The following ZBTB49 variants were observed in gnomAD, a reference collection of about 807,000 sequenced individuals.
ZBTB49 encodes zinc finger and BTB domain-containing protein 49.
Under a neutral mutation model 57.5 loss-of-function variants are expected in ZBTB49, and 43 were observed. The ratio of observed to expected loss-of-function variants is 0.75; its 90% CI spans 0.59 to 0.97. ZBTB49 has a LOEUF of 0.97. ZBTB49 is among the 50% of genes least tolerant of loss of function. ZBTB49 has a pLI of 0.00. For synonymous variants in ZBTB49, 369 were observed against 362.1 expected (o/e 1.02, Z -0.22); for missense variants, 938 against 947.7 (o/e 0.99, Z 0.13).
chr4:4,306,206 G>T (rs749002300), intron 4 of ZBTB49, 22 bp downstream of exon 4: 5 of 1,600,594 alleles, frequency 3.1e-6, no homozygotes, highest in Admixed American at 1.7e-5. Flanking sequence ...CTTATTTATT[G>T]TTAATAATTG....
rs1721413169 is a variant in ZBTB49 at position 4,321,416 on chromosome 4, T to C, written c.*100T>C. 1 of 1,225,118 alleles carries C rather than the reference T, an allele frequency of 8.2e-7. No individual in the cohort carries two copies. Among genetic ancestry groups the C allele is most frequent in the African/African-American group, 1.5e-5 (1 of 66,050 alleles). The allele number at this position is 1,225,118 out of a possible 1,614,324, so 75.9% of individuals were successfully genotyped here. Reference sequence around the variant, plus strand: ...TTTCCCCATGACAGTGCCTTCTAACTAGCCAGAGAATAGGTAGCTTCCCTC... The same window carrying C: ...TTTCCCCATGACAGTGCCTTCTAACCAGCCAGAGAATAGGTAGCTTCCCTC... On this transcript the variant is annotated 3_prime_UTR_variant, in exon 8 of 8. Transcript: ENST00000337872.
chr4:4,312,013 T>A (rs182414727), intron 4 of ZBTB49, among the ~76,000 whole-genome samples: 1 of 152,344 alleles, frequency 6.6e-6, no homozygotes, highest in Non-Finnish European at 1.5e-5. Flanking sequence ...TGAATCTTAA[T>A]CTTTGCATTT....
chr4:4,313,284 G>A (rs1721054466), intron 5 of ZBTB49, among the ~76,000 whole-genome samples, 170 bp downstream of exon 5: 1 of 152,198 alleles, frequency 6.6e-6, no homozygotes, highest in South Asian at 2.1e-4. Context: ...TGTGACACAC[G>A]AGAGAATAAT....
intron 4 of ZBTB49, among the ~76,000 whole-genome samples, chr4:4,309,076 TG>T (rs939741383): frequency 6.6e-6 from 1 of 152,238 alleles, no homozygotes; most frequent in Non-Finnish European, 1.5e-5. Flanking sequence ...CTAGAATAAA[TG>T]TTTGTGGTTA....
At chr4:4,308,689 C>T (rs1454092230) in intron 4 of ZBTB49, among the ~76,000 whole-genome samples, 1 of 152,238 alleles carries the variant, frequency 6.6e-6, no homozygotes, top group Admixed American at 6.5e-5. Flanking sequence ...TCCATGAGCT[C>T]TGCTGTGTGC....
chr4:4,306,337 A>G (rs1720734837), intron 4 of ZBTB49, among the ~76,000 whole-genome samples, 153 bp downstream of exon 4: 1 of 152,252 alleles, frequency 6.6e-6, no homozygotes, highest in Admixed American at 6.5e-5. Flanking sequence ...AATCGTTTTC[A>G]AGAAAACAGA....
chr4:4,305,424 T>C (rs1366314237), intron 3 of ZBTB49, among the ~76,000 whole-genome samples: 1 of 152,212 alleles, frequency 6.6e-6, no homozygotes, highest in Non-Finnish European at 1.5e-5. Flanking sequence ...TTATATAGAT[T>C]AAAGGCAGTA....
chr4:4,320,618 A>C (rs969361952), intron 7 of ZBTB49, 22 bp from the exon 8 acceptor site: 13 of 1,613,046 alleles, frequency 8.1e-6, no homozygotes, highest in African/African-American at 1.3e-5. Flanking sequence ...AAGTAAATAA[A>C]TAACTGTTTT....
chr4:4,307,451 T>C (rs576421478), intron 4 of ZBTB49, among the ~76,000 whole-genome samples: 1 of 152,324 alleles, frequency 6.6e-6, no homozygotes, highest in South Asian at 2.1e-4. Flanking sequence ...CTTTGGGCAG[T>C]CTCACCTTTT....
chr4:4,299,141 A>T (rs1445601374), intron 1 of ZBTB49, among the ~76,000 whole-genome samples: 1 of 152,150 alleles, frequency 6.6e-6, no homozygotes, highest in East Asian at 1.9e-4. Flanking sequence ...TGTCCCCTCT[A>T]GGATGTCATC....
chr4:4,310,158 A>G (rs1720922183), intron 4 of ZBTB49, among the ~76,000 whole-genome samples: 1 of 152,234 alleles, frequency 6.6e-6, no homozygotes, highest in African/African-American at 2.4e-5. Flanking sequence ...GCAGATGTTA[A>G]TTCTTCTCTA....
chr4:4,319,547 G>A (rs773690120), intron 7 of ZBTB49, among the ~76,000 whole-genome samples: 8 of 152,220 alleles, frequency 5.3e-5, no homozygotes, highest in Non-Finnish European at 8.8e-5. Context: ...AGGGCCAGGC[G>A]CCATGGCTCA....
intron 2 of ZBTB49, among the ~76,000 whole-genome samples, chr4:4,300,510 C>CT (rs1473241358): frequency 1.3e-5 from 2 of 151,680 alleles, no homozygotes; most frequent in East Asian, 1.9e-4. Flanking sequence ...TTTTTCTTTT[C>CT]TTTTTTTTCT....
chr4:4,321,506 C>T lies in ZBTB49; in HGVS notation c.*190C>T, dbSNP rs1721416912. On this transcript the variant is annotated 3_prime_UTR_variant, in exon 8 of 8. Transcript: ENST00000337872. ...GTGTGAGGGGGAGGGCCTGCTGGCT[C>T]ACCGTGAGGCAGCCGCGGGAGGGAG... 7 of 651,986 alleles carry T rather than the reference C, an allele frequency of 1.1e-5. No homozygotes were observed. The highest frequency in any genetic ancestry group is 1.8e-5 in the Non-Finnish European group (7 of 390,460). 40.4% of individuals were successfully genotyped at this position (651,986 alleles called of 1,614,324 possible).
chr4:4,313,139 T>C, intron 5 of ZBTB49, 25 bp downstream of exon 5: 1 of 1,613,132 alleles, frequency 6.2e-7, no homozygotes, highest in South Asian at 1.1e-5. Flanking sequence ...TGTTCTTCCG[T>C]GTGGAAGGGA....
chr4:4,312,059 C>G (rs560548224), intron 4 of ZBTB49, among the ~76,000 whole-genome samples: 2 of 152,104 alleles, frequency 1.3e-5, no homozygotes, highest in African/African-American at 4.8e-5. Context: ...AAAAAAGCCC[C>G]GTGTGTTAGT....
At chr4:4,309,691 G>A (rs1720900619) in intron 4 of ZBTB49, among the ~76,000 whole-genome samples, 1 of 152,202 alleles carries the variant, frequency 6.6e-6, no homozygotes, top group Admixed American at 6.5e-5. Flanking sequence ...CCTATAGGAG[G>A]CATTTCCAGG....
At chr4:4,298,389 A>T (rs893200107) in intron 1 of ZBTB49, among the ~76,000 whole-genome samples, 132 of 152,142 alleles carry the variant, frequency 8.7e-4, no homozygotes, top group African/African-American at 3.1e-3. Flanking sequence ...AAGGCAAAAA[A>T]AGCAGATGAT....
chr4:4,298,919 T>G (rs888565180), intron 1 of ZBTB49, among the ~76,000 whole-genome samples: 1 of 152,234 alleles, frequency 6.6e-6, no homozygotes, highest in Non-Finnish European at 1.5e-5. Flanking sequence ...CGTGTGTGTG[T>G]TTCCCTCACT....
Sources: gnomAD v4.1 joint callset for allele counts (sites outside exome capture counted in the v4.1 genomes callset) on GRCh38, gnomAD v4.1.1 for gene constraint, MANE v1.5 for transcripts, NCBI Gene and HGNC (gene_info 2026-07-23, HGNC 2026-07-21) for gene names.